SHMT1: variants seen among roughly 807,000 people sequenced by gnomAD.
SHMT1 encodes serine hydroxymethyltransferase, cytosolic.
SHMT1 carries 45 observed loss-of-function variants against 49.0 expected under a neutral mutation model. The ratio of observed to expected loss-of-function variants is 0.92; its 90% CI spans 0.72 to 1.18. SHMT1 has a LOEUF of 1.18. Among genes scored for constraint, SHMT1 ranks in the 50% most tolerant of loss-of-function variants. The pLI, the probability that SHMT1 is intolerant of heterozygous loss-of-function variation, is 0.00. For synonymous variants in SHMT1, 232 were observed against 246.6 expected, an observed-to-expected ratio of 0.94 and a Z score of 0.55; for missense variants, 541 against 612.4, an observed-to-expected ratio of 0.88 and a Z score of 1.23.
rs1984325898 is a variant in SHMT1 at position 18,340,106 on chromosome 17, C to G, written c.751G>C (p.Val251Leu). The G allele has an allele frequency of 6.2e-7, 1 of 1,614,054 alleles. No homozygotes were observed. The highest frequency in any genetic ancestry group is 1.3e-5 in the African/African-American group (1 of 74,932). ...AGGGTCTTGTGAGTGGTGGTGGTCA[C>G]CACATGGCAGTGTTCAAATGGGGAG... is the stretch of plus-strand genomic sequence containing the variant. ...VPSPFEHCHV[V>L]TTTTHKTLRG... The change falls in exon 7 of 12, where the codon GTG becomes CTG. Residue 251 changes from valine to leucine, a missense_variant. Coordinates refer to ENST00000316694, the MANE Select transcript of SHMT1 (RefSeq NM_004169.5). This position sits in a 1 kb window ranked among gnomAD's most constrained non-coding sequence, Gnocchi z 4.5.
chr17:18,349,725 A>G (rs913981380), intron 3 of SHMT1, among the ~76,000 whole-genome samples: 4 of 149,106 alleles, frequency 2.7e-5, no homozygotes, highest in African/African-American at 9.8e-5. Context: ...ACTCTAAAAA[A>G]AATAAATAGG....
intron 3 of SHMT1, 128 bp from the exon 4 acceptor site, chr17:18,348,568 A>G (rs760921473): frequency 1.3e-6 from 1 of 772,112 alleles, no homozygotes; most frequent in South Asian, 1.4e-5. Flanking sequence ...AGAGCTTGTT[A>G]ACATGCAGAT....
intron 3 of SHMT1, among the ~76,000 whole-genome samples, chr17:18,350,827 A>C (rs1457176375): frequency 1.4e-5 from 2 of 147,910 alleles, no homozygotes; most frequent in Non-Finnish European, 3.0e-5. Context: ...CCGCCTCCCA[A>C]GTTCAAGCGA....
intron 8 of SHMT1, among the ~76,000 whole-genome samples, chr17:18,334,566 A>C (rs924376843): frequency 6.6e-6 from 1 of 152,234 alleles, no homozygotes; most frequent in Non-Finnish European, 1.5e-5. Context: ...ATGCCAGATT[A>C]TGCAGCTCTC....
chr17:18,363,217 G>A (rs1469927912), intron 1 of SHMT1, 155 bp downstream of exon 1: 1 of 152,256 alleles, frequency 6.6e-6, no homozygotes, highest in Non-Finnish European at 1.5e-5. Flanking sequence ...CCCAGCCCAG[G>A]CGCGACCCAA....
rs202224272 is a variant in SHMT1, at chr17:18,335,594, C to A, written c.896G>T (p.Gly299Val). Reference protein sequence around the residue: ...ESLINSAVFPGLQGGPHNHAI... With the variant: ...ESLINSAVFPVLQGGPHNHAI... The stretch of plus-strand genomic sequence containing the variant: ...GTGGTTGTGGGGACCTCCCTGCAGG[C>A]CAGGGAACACAGCAGAATTGATAAG... Residue 299 changes from glycine (G) to valine (V), a missense_variant, in exon 8 of 12, where the codon GGC becomes GTC. By Grantham distance (109) the Gly-to-Val change is moderately radical. Coordinates refer to ENST00000316694, the MANE Select transcript of SHMT1 (RefSeq NM_004169.5). 2.0e-5 allele frequency: 32 copies of A among 1,613,110 alleles called. No homozygotes were observed. In the Admixed American group the frequency reaches 2.0e-4, roughly 10 times the overall value.
In SHMT1 at chr17:18,355,978, T is replaced by C. The variant is rs767972537; in HGVS notation, c.4A>G (p.Thr2Ala). 26 of 1,610,714 alleles carry C rather than the reference T, an allele frequency of 1.6e-5. No homozygotes were observed. The East Asian group carries it at 4.5e-4, about 28-fold the overall frequency. The change falls in exon 2 of 12, where the codon ACG becomes GCG. Residue 2 changes from threonine to alanine, a missense_variant. Thr to Ala is a moderately conservative substitution (Grantham distance 58). Transcript: ENST00000316694. M[T>A]MPVNGAHKDA... ...TTGTGGGCCCCGTTGACTGGCATCG[T>C]CATTGCACTGGTTCGAAGCTGCCTA...
chr17:18,338,871 A>C (rs1042726414), intron 7 of SHMT1, among the ~76,000 whole-genome samples: 2 of 151,782 alleles, frequency 1.3e-5, no homozygotes, highest in African/African-American at 4.8e-5. Context: ...AGTCATCACC[A>C]CTCCCTAATC....
At chr17:18,339,198 G>A (rs536140722) in intron 7 of SHMT1, among the ~76,000 whole-genome samples, 6 of 152,054 alleles carry the variant, frequency 3.9e-5, no homozygotes, top group Admixed American at 1.3e-4. Context: ...ATGGGAATTC[G>A]AAAATAAGGG....
chr17:18,340,027 A>C lies in SHMT1; in HGVS notation c.814+16T>G. The C allele has an allele frequency of 6.2e-7, 1 of 1,611,704 alleles. No individual in the cohort carries two copies. Among genetic ancestry groups the C allele is most frequent in the East Asian group, 2.2e-5 (1 of 44,894 alleles). ...AAACCATGGTACCCATCTGTACCCA[A>C]CATTCGGGAGCTCACCTTTCCTGTA... On this transcript the variant is annotated intron_variant, in intron 7 of 11. Coordinates refer to ENST00000316694, the MANE Select transcript of SHMT1 (RefSeq NM_004169.5). This position sits in a 1 kb window ranked among gnomAD's most constrained non-coding sequence, Gnocchi z 4.5.
chr17:18,361,818 G>C (rs1051806094), intron 1 of SHMT1, among the ~76,000 whole-genome samples: 1 of 151,830 alleles, frequency 6.6e-6, no homozygotes, highest in South Asian at 2.1e-4. Flanking sequence ...GGGAATCTTA[G>C]GGACATCTTC....
In SHMT1 at chr17:18,328,652, G is replaced by T; in HGVS notation, c.*98C>A. The T allele has an allele frequency of 7.4e-7, 1 of 1,350,322 alleles. No individual in the cohort carries two copies. Among genetic ancestry groups the T allele is most frequent in the Non-Finnish European group, 1.0e-6 (1 of 975,644 alleles). The allele number at this position is 1,350,322 out of a possible 1,614,324, so 83.6% of individuals were successfully genotyped here. On this transcript the variant is annotated 3_prime_UTR_variant, in exon 12 of 12. Coordinates refer to ENST00000316694, the MANE Select transcript of SHMT1 (RefSeq NM_004169.5). ...CCCTCAAAGGGCCCGAGTGTCAACA[G>T]TTCCCCTTTGGAGCAGCTCATCCAT...
intron 7 of SHMT1, among the ~76,000 whole-genome samples, chr17:18,339,318 T>C (rs994276173): frequency 1.3e-5 from 2 of 152,166 alleles, no homozygotes; most frequent in Admixed American, 1.3e-4. Flanking sequence ...GTCTTTCTCT[T>C]TGAGAAACAT....
Position 18,330,578 on chromosome 17 carries a change from G to T in SHMT1, c.1148C>A (p.Ala383Asp). 6.2e-7 allele frequency: 1 copy of T among 1,611,470 alleles called. No homozygotes were observed. The highest frequency in any genetic ancestry group is 8.5e-7 in the Non-Finnish European group (1 of 1,177,528). Residue 383 changes from alanine (A) to aspartate (D), a missense_variant, in exon 10 of 12, where the codon GCC becomes GAC. Coordinates refer to ENST00000316694, the MANE Select transcript of SHMT1 (RefSeq NM_004169.5). ...ACCTGGACAGGTGTTCTTGTTGCAG[G>T]CAATAGAACAGGCTTCTAGCACCTT... The part of the protein sequence containing the change: ...AEKVLEACSI[A>D]CNKNTCPGDR...
chr17:18,343,144 C>T (rs1984700771), intron 5 of SHMT1, among the ~76,000 whole-genome samples: 1 of 151,670 alleles, frequency 6.6e-6, no homozygotes, highest in South Asian at 2.1e-4. Context: ...TCAATAGTTC[C>T]ACACTGTATA....
chr17:18,351,742 C>T (rs1985727505), intron 3 of SHMT1, among the ~76,000 whole-genome samples: 1 of 151,952 alleles, frequency 6.6e-6, no homozygotes, highest in African/African-American at 2.4e-5. Context: ...CCACTGCACT[C>T]CAGCCTCGTG....
chr17:18,333,115 C>A, intron 9 of SHMT1, 51 bp downstream of exon 9: 4 of 1,610,044 alleles, frequency 2.5e-6, no homozygotes, highest in Non-Finnish European at 3.4e-6. Context: ...GAGAAGCAAG[C>A]CTTAATACAA....
At chr17:18,356,094 C>A in intron 1 of SHMT1, 94 bp from the exon 2 acceptor site, 2 of 621,430 alleles carry the variant, frequency 3.2e-6, no homozygotes, top group Non-Finnish European at 2.7e-6. Context: ...TCTTTGTTGC[C>A]CAGGCTAGAG....
chr17:18,362,363 C>T (rs1025180601), intron 1 of SHMT1, among the ~76,000 whole-genome samples: 3 of 152,104 alleles, frequency 2.0e-5, no homozygotes, highest in African/African-American at 7.2e-5. Context: ...CTCTGTCACT[C>T]AGGCTGGAGT....
Sources: gnomAD v4.1 joint callset for allele counts (sites outside exome capture counted in the v4.1 genomes callset) on GRCh38, gnomAD v4.1.1 for gene constraint, Gnocchi (gnomAD v3.1) non-coding constraint, MANE v1.5 for transcripts, NCBI Gene and HGNC (gene_info 2026-07-23, HGNC 2026-07-21) for gene names.